Variants in WWOX observed in about 807,000 individuals in gnomAD.
WWOX encodes the protein WW domain containing oxidoreductase.
In WWOX, 69 loss-of-function variants were observed where a neutral mutation model predicts 46.2. The observed-to-expected ratio is 1.49, with a 90% CI of 1.23 to 1.82. The LOEUF is 1.82. Ranked by LOEUF, WWOX falls within the 40% of genes most tolerant of loss-of-function variation. WWOX has a pLI of 0.00. For missense variants in WWOX, 919 were observed against 542.6 expected (o/e 1.69, Z -6.89); for synonymous variants, 359 against 202.6 (o/e 1.77, Z -6.56).
chr16:78,812,528 C>G (rs901518799), intron 8 of WWOX, among the ~76,000 whole-genome samples: 3 of 151,998 alleles, frequency 2.0e-5, no homozygotes, highest in Non-Finnish European at 2.9e-5. Context: ...TCGAGACCAG[C>G]CTGGCCAACA....
intron 8 of WWOX, among the ~76,000 whole-genome samples, chr16:78,710,040 C>T (rs1397335078): frequency 6.6e-6 from 1 of 152,036 alleles, no homozygotes; most frequent in South Asian, 2.1e-4. Flanking sequence ...CGATAGTTGC[C>T]TTTCTTACCA....
In WWOX at chr16:78,739,842, C is replaced by T. The variant is rs115931053; in HGVS notation, c.1056+307090C>T. On this transcript the variant is annotated intron_variant, in intron 8 of 8. Transcript: ENST00000566780. ...CAAACAAACAAACAAACAAAAACCC[C>T]AGATATTCCTTATTATGGAAGAAGA... 3.6e-3 allele frequency among the ~76,000 whole-genome samples: 548 copies of T among 152,194 alleles called. 4 individuals carry two copies. The highest frequency in any genetic ancestry group is 0.013 in the African/African-American group (530 of 41,544).
At chr16:78,461,862 A>G (rs530268434) in intron 8 of WWOX, among the ~76,000 whole-genome samples, 5 of 152,332 alleles carry the variant, frequency 3.3e-5, no homozygotes, top group South Asian at 2.1e-4. Flanking sequence ...CATTCATGCA[A>G]TACCAACTGC....
intron 8 of WWOX, among the ~76,000 whole-genome samples, chr16:78,766,560 C>T (rs2049928798): frequency 6.6e-6 from 1 of 152,158 alleles, no homozygotes; most frequent in African/African-American, 2.4e-5. Context: ...TGCACTCCAG[C>T]CTGGGCGACA....
chr16:78,544,716 AATTTAAAAATTAGCTGGGT>A (rs1476201941), intron 8 of WWOX, among the ~76,000 whole-genome samples: 1 of 152,006 alleles, frequency 6.6e-6, no homozygotes, highest in East Asian at 1.9e-4. Flanking sequence ...CTCTACAAAA[AATTTAAAAATTAGCTGGGT>A]ATGGTTGTGC....
At chr16:78,334,589 T>C (rs149318364) in intron 5 of WWOX, among the ~76,000 whole-genome samples, 1,592 of 152,274 alleles carry the variant, frequency 0.01, 33 homozygotes, top group African/African-American at 0.037. Context: ...AATCAAGATA[T>C]TCCCAAACAG....
chr16:78,705,203 G>A (rs1018721856), intron 8 of WWOX, among the ~76,000 whole-genome samples: 3 of 152,082 alleles, frequency 2.0e-5, no homozygotes, highest in Admixed American at 6.6e-5. Context: ...TCAGTCTGAC[G>A]GCCGCTAAAA....
chr16:79,141,759 C>T (rs1597412728), intron 8 of WWOX, among the ~76,000 whole-genome samples: 1 of 151,904 alleles, frequency 6.6e-6, no homozygotes, highest in African/African-American at 2.4e-5. Context: ...AAGCAGTGTC[C>T]ATTAGGATGA....
chr16:78,379,258 G>C (rs74678762), intron 5 of WWOX, among the ~76,000 whole-genome samples: 58 of 152,196 alleles, frequency 3.8e-4, no homozygotes, highest in African/African-American at 1.3e-3. Flanking sequence ...GTAAGGGAGG[G>C]GTAGATACAC....
At chr16:79,119,749 G>C (rs574948853) in intron 8 of WWOX, among the ~76,000 whole-genome samples, 5 of 152,336 alleles carry the variant, frequency 3.3e-5, no homozygotes, top group African/African-American at 1.2e-4. Flanking sequence ...CATGATGGCA[G>C]TGGCTGGCTT....
chr16:78,214,809 AAT>A, intron 5 of WWOX, among the ~76,000 whole-genome samples: 1 of 149,370 alleles, frequency 6.7e-6, no homozygotes, highest in South Asian at 2.1e-4. Flanking sequence ...GTTAAATATC[AAT>A]AGTCAATGAA....
intron 8 of WWOX, among the ~76,000 whole-genome samples, chr16:78,753,249 G>A (rs749321133): frequency 1.1e-4 from 17 of 151,840 alleles, no homozygotes; most frequent in African/African-American, 2.9e-4. Flanking sequence ...GCAGTGAGCC[G>A]AGATTACACC....
rs962276004 is a variant in WWOX at position 78,099,675 on chromosome 16, T to C, written c.-104T>C. On this transcript the variant is annotated 5_prime_UTR_variant, in exon 1 of 9. Coordinates refer to ENST00000566780, the MANE Select transcript of WWOX (RefSeq NM_016373.4). Reference sequence around the variant, plus strand: ...GGGCGCAGTGCGCAGGCGTGAGCGGTCGGGCCCCGACGCGCGCGGGTCTCG... The same window carrying C: ...GGGCGCAGTGCGCAGGCGTGAGCGGCCGGGCCCCGACGCGCGCGGGTCTCG... 3 of 1,405,390 alleles carry C rather than the reference T, an allele frequency of 2.1e-6. No homozygotes were observed. Among genetic ancestry groups the C allele is most frequent in the African/African-American group, 1.5e-5 (1 of 67,538 alleles). 87.1% of individuals were successfully genotyped at this position (1,405,390 alleles called of 1,614,324 possible).
At chr16:78,707,662 CA>C (rs1276213823) in intron 8 of WWOX, among the ~76,000 whole-genome samples, 2 of 151,954 alleles carry the variant, frequency 1.3e-5, no homozygotes, top group African/African-American at 4.8e-5. Context: ...GCGGGTGGAT[CA>C]CTTGAGGTCA....
At chr16:78,848,707 C>T (rs1038411704) in intron 8 of WWOX, among the ~76,000 whole-genome samples, 19 of 152,176 alleles carry the variant, frequency 1.2e-4, no homozygotes, top group African/African-American at 3.9e-4. Flanking sequence ...GTCTGCTCTC[C>T]TCCTACCAAC....
At chr16:78,318,690 T>C (rs916908987) in intron 5 of WWOX, among the ~76,000 whole-genome samples, 2 of 152,224 alleles carry the variant, frequency 1.3e-5, no homozygotes, top group African/African-American at 4.8e-5. Context: ...CTTTTAGCTG[T>C]ACTGTACATA....
At chr16:78,812,810 C>G (rs544871144) in intron 8 of WWOX, among the ~76,000 whole-genome samples, 1 of 152,090 alleles carries the variant, frequency 6.6e-6, no homozygotes, top group African/African-American at 2.4e-5. Context: ...AACTAAAGAC[C>G]CCATGTTTGT....
intron 8 of WWOX, among the ~76,000 whole-genome samples, chr16:78,522,552 A>G (rs1195003669): frequency 1.3e-5 from 2 of 148,698 alleles, no homozygotes; most frequent in Admixed American, 6.7e-5. Context: ...GACTCCCTGT[A>G]TTACCATTAG....
At chr16:78,302,836 C>T (rs993582871) in intron 5 of WWOX, among the ~76,000 whole-genome samples, 1 of 152,250 alleles carries the variant, frequency 6.6e-6, no homozygotes, top group Non-Finnish European at 1.5e-5. Context: ...CCAGCTCCCT[C>T]AGCCCCTTTC....
Sources: gnomAD v4.1 joint callset for allele counts (sites outside exome capture counted in the v4.1 genomes callset) on GRCh38, gnomAD v4.1.1 for gene constraint, MANE v1.5 for transcripts, NCBI Gene and HGNC (gene_info 2026-07-23, HGNC 2026-07-21) for gene names.